Variants in RUNX3 observed in about 807,000 individuals in gnomAD.
RUNX3 encodes runt-related transcription factor 3.
In RUNX3, 10 loss-of-function variants were observed where a neutral mutation model predicts 27.7. The observed-to-expected ratio is 0.36, with a 90% CI of 0.22 to 0.61. The LOEUF is 0.61. RUNX3 is among the 20% of genes least tolerant of loss of function. RUNX3 has a pLI of 0.72. For missense variants in RUNX3, 469 were observed against 629.5 expected, an observed-to-expected ratio of 0.75 and a Z score of 2.73; for synonymous variants, 270 against 269.2, an observed-to-expected ratio of 1.00 and a Z score of -0.03.
chr1:24,908,816 G>A (rs2124256992), intron 3 of RUNX3, among the ~76,000 whole-genome samples: 1 of 152,332 alleles, frequency 6.6e-6, no homozygotes, highest in East Asian at 1.9e-4. Flanking sequence ...AACAATGGGA[G>A]GTGGCCCCAG....
chr1:24,937,767 C>G (rs1195670567), intron 2 of RUNX3, among the ~76,000 whole-genome samples: 1 of 152,224 alleles, frequency 6.6e-6, no homozygotes, highest in Non-Finnish European at 1.5e-5. Context: ...AACCGAGGGC[C>G]TGGGCAACAG....
upstream of RUNX3, chr1:24,930,299 G>A (rs1163096544): frequency 2.1e-6 from 2 of 938,564 alleles, no homozygotes; most frequent in Middle Eastern, 5.5e-4. The surrounding 1 kb of genome is among the most constrained non-coding windows in gnomAD (Gnocchi z 4.1). Context: ...GCCCGCGCGG[G>A]GTTAGTACCC....
chr1:24,962,701 C>A lies in RUNX3; in HGVS notation c.58+1813G>T, dbSNP rs1642148424. Among the ~76,000 whole-genome samples, 2 of 152,210 alleles carry A rather than the reference C, an allele frequency of 1.3e-5. No individual in the cohort carries two copies. Among genetic ancestry groups the A allele is most frequent in the African/African-American group, 4.8e-5 (2 of 41,452 alleles). ...CTTCTGTGCCACTGCTGGCCAGGAT[C>A]AGCCCGCTCTGCCCAGCGGCCTCCT... On this transcript the variant is annotated intron_variant, in intron 2 of 6. Coordinates refer to the RUNX3 transcript ENST00000338888. This position sits in a 1 kb window ranked among gnomAD's most constrained non-coding sequence, Gnocchi z 4.5.
At chr1:24,944,959 G>A (rs1481229288) in intron 2 of RUNX3, among the ~76,000 whole-genome samples, 11 of 152,184 alleles carry the variant, frequency 7.2e-5, no homozygotes, top group Admixed American at 2.0e-4. Flanking sequence ...GGCAGGCATA[G>A]GAAACGAATA....
intron 2 of RUNX3, among the ~76,000 whole-genome samples, chr1:24,919,856 T>C (rs1028029856): frequency 3.9e-5 from 6 of 151,968 alleles, no homozygotes; most frequent in African/African-American, 9.7e-5. Flanking sequence ...ACAGTCGCAG[T>C]GGTACTAAAA....
In RUNX3 at chr1:24,929,726, G is replaced by C. The variant is rs761778827; in HGVS notation, c.143C>G (p.Ala48Gly). 1 of 1,509,252 alleles carries C rather than the reference G, an allele frequency of 6.6e-7. No homozygotes were observed. The highest frequency in any genetic ancestry group is 8.8e-7 in the Non-Finnish European group (1 of 1,138,914). The allele number at this position is 1,509,252 out of a possible 1,614,324, so 93.5% of individuals were successfully genotyped here. Residue 48 changes from alanine (A) to glycine (G), a missense_variant, in exon 1 of 5, where the codon GCC (alanine) becomes GGC (glycine). By Grantham distance (60) the Ala-to-Gly change is moderately conservative. Around this residue, in one of 3 missense-constraint regions of RUNX3, gnomAD observed 115 missense variants for 118.0 expected, o/e 0.97. Coordinates refer to ENST00000308873, the MANE Select transcript of RUNX3 (RefSeq NM_004350.3). Reference protein sequence around the residue: ...AQAAVGPGGRARPEVRSMVDV... With the variant: ...AQAAVGPGGRGRPEVRSMVDV... ...CACCATCGAGCGCACCTCGGGCCGG[G>C]CGCGCCCTCCGGGCCCCACGGCCGC...
At chr1:24,925,232 A>G (rs1474498416) in intron 2 of RUNX3, among the ~76,000 whole-genome samples, 1 of 152,094 alleles carries the variant, frequency 6.6e-6, no homozygotes, top group African/African-American at 2.4e-5. Context: ...GTGTGTCTGC[A>G]TGCCAGCGGA....
In RUNX3 at chr1:24,923,567, C is replaced by T. The variant is rs1226422505; in HGVS notation, c.439+4007G>A. On this transcript the variant is annotated intron_variant, in intron 2 of 4. Transcript: ENST00000308873. This position sits in a 1 kb window ranked among gnomAD's most constrained non-coding sequence, Gnocchi z 5.9. The stretch of plus-strand genomic sequence containing the variant: ...GGTTTCCTTTAGGGCTCCAGAAACT[C>T]CTCCAGGACCCATCATCAACCAGCC... Among the ~76,000 whole-genome samples the T allele has an allele frequency of 6.6e-6, 1 of 152,134 alleles. No individual in the cohort carries two copies. The highest frequency in any genetic ancestry group is 1.5e-5 in the Non-Finnish European group (1 of 68,026).
intron 2 of RUNX3, among the ~76,000 whole-genome samples, chr1:24,920,907 C>T (rs1007109531): frequency 9.9e-5 from 15 of 152,162 alleles, no homozygotes; most frequent in Admixed American, 5.2e-4. Flanking sequence ...TTCTCTATTA[C>T]GATCCACAGC....
intron 2 of RUNX3, among the ~76,000 whole-genome samples, chr1:24,955,535 T>C (rs543127481): frequency 3.3e-5 from 5 of 152,176 alleles, no homozygotes; most frequent in Non-Finnish European, 5.9e-5. Flanking sequence ...AGGCCAAGAT[T>C]CTGCATAGGT....
intron 3 of RUNX3, among the ~76,000 whole-genome samples, 154 bp downstream of exon 3, chr1:24,919,086 A>G (rs1640943788): frequency 6.6e-6 from 1 of 152,214 alleles, no homozygotes; most frequent in African/African-American, 2.4e-5. Flanking sequence ...CAGAGGGTTT[A>G]GGGGTTTGCC....
intron 2 of RUNX3, among the ~76,000 whole-genome samples, chr1:24,940,495 C>T (rs940332153): frequency 6.6e-6 from 1 of 152,184 alleles, no homozygotes; most frequent in Admixed American, 6.5e-5. Flanking sequence ...CAGCAAGTCA[C>T]ATCCCCTATT....
At chr1:24,956,219 T>A (rs187047473) in intron 2 of RUNX3, among the ~76,000 whole-genome samples, 1 of 152,248 alleles carries the variant, frequency 6.6e-6, no homozygotes, top group South Asian at 2.1e-4. Flanking sequence ...GAGCTCAGGC[T>A]GATGGGAGCC....
intron 2 of RUNX3, among the ~76,000 whole-genome samples, chr1:24,960,989 C>A (rs140967062): frequency 1.4e-4 from 22 of 152,254 alleles, no homozygotes; most frequent in Non-Finnish European, 2.6e-4. Context: ...AGAATTCCAC[C>A]ATCCATGCAC....
rs372478084 is a variant in RUNX3, at chr1:24,919,354, G to T, written c.440-10C>A. 2.5e-6 allele frequency: 4 copies of T among 1,595,348 alleles called. No individual in the cohort carries two copies. The highest frequency in any genetic ancestry group is 3.4e-6 in the Non-Finnish European group (4 of 1,164,726). The stretch of plus-strand genomic sequence containing the variant: ...AGGGTGAAACTCTTCCCTGGGGAGA[G>T]TGGGGAATAGAGGCAGGTGGTTGGC... On this transcript the variant is annotated splice_polypyrimidine_tract_variant and intron_variant, in intron 2 of 4. Transcript: ENST00000308873.
upstream of RUNX3, among the ~76,000 whole-genome samples, chr1:24,930,910 G>A (rs1641213626): frequency 6.6e-6 from 1 of 152,196 alleles, no homozygotes; most frequent in Non-Finnish European, 1.5e-5. The surrounding 1 kb of genome is among the most constrained non-coding windows in gnomAD (Gnocchi z 4.1). Context: ...CCGGGGACAG[G>A]CGGAAGGGAG....
chr1:24,940,399 C>T (rs1419756054), intron 2 of RUNX3, among the ~76,000 whole-genome samples: 1 of 152,212 alleles, frequency 6.6e-6, no homozygotes, highest in African/African-American at 2.4e-5. Flanking sequence ...TGGGTTCCCA[C>T]CTTGCCATCT....
chr1:24,945,978 C>T (rs752219104), intron 2 of RUNX3, among the ~76,000 whole-genome samples: 66 of 152,310 alleles, frequency 4.3e-4, no homozygotes, highest in Middle Eastern at 6.8e-3. Context: ...AGATGGGCCC[C>T]TTTCAGCTCT....
At chr1:24,935,256 G>A (rs1043914437), upstream of RUNX3, among the ~76,000 whole-genome samples, 2 of 152,216 alleles carry the variant, frequency 1.3e-5, no homozygotes, top group African/African-American at 2.4e-5. Flanking sequence ...CTAATCAGAC[G>A]TGTTTCCCTC....
Sources: gnomAD v4.1 joint callset for allele counts (sites outside exome capture counted in the v4.1 genomes callset) on GRCh38, gnomAD v4.1.1 for gene constraint, gnomAD v4.1.1 regional missense constraint, Gnocchi (gnomAD v3.1) non-coding constraint, MANE v1.5 for transcripts, NCBI Gene and HGNC (gene_info 2026-07-23, HGNC 2026-07-21) for gene names.